Variants in CFAP91 observed in about 807,000 individuals in gnomAD.
The protein encoded by CFAP91 is cilia and flagella associated protein 91, also known as cilia- and flagella-associated protein 91.
In CFAP91, 85 loss-of-function variants were observed where a neutral mutation model predicts 95.9. That is an observed-to-expected ratio of 0.89 (90% CI 0.74 to 1.06). The LOEUF (loss-of-function observed/expected upper bound fraction) is 1.06. CFAP91 is among the 50% of genes least tolerant of loss of function. CFAP91 has a pLI of 0.00. For synonymous variants in CFAP91, 335 were observed against 327.5 expected (o/e 1.02, Z -0.25); for missense variants, 962 against 943.4 (o/e 1.02, Z -0.26).
intron 6 of CFAP91, 117 bp from the exon 7 acceptor site, chr3:119,726,054 G>A (rs1352109601): frequency 5.2e-6 from 4 of 776,468 alleles, no homozygotes; most frequent in African/African-American, 1.8e-5. Flanking sequence ...GTCATGTTAT[G>A]CTGTCATGGC....
chr3:119,742,273 A>T (rs548990716), intron 13 of CFAP91, among the ~76,000 whole-genome samples: 2 of 152,290 alleles, frequency 1.3e-5, no homozygotes, highest in South Asian at 2.1e-4. Flanking sequence ...TACACCCTGG[A>T]TATATGCAGG....
chr3:119,733,508 T>A lies in CFAP91; in HGVS notation c.1344+2T>A, dbSNP rs1178068159. On this transcript the variant is annotated splice_donor_variant, in intron 10 of 17. Transcript: ENST00000273390. LOFTEE classifies it high-confidence loss of function. ...TATGAGTTGGCAGAGGTTCATAAGGTATAATCATTATCTGGAGGACAAAAT... is the reference window on the plus strand; with the variant it reads ...TATGAGTTGGCAGAGGTTCATAAGGAATAATCATTATCTGGAGGACAAAAT... 6.2e-7 allele frequency: 1 copy of A among 1,607,838 alleles called. No individual in the cohort carries two copies. The highest frequency in any genetic ancestry group is 1.3e-5 in the African/African-American group (1 of 74,610).
intron 8 of CFAP91, among the ~76,000 whole-genome samples, chr3:119,730,601 AGTGTGTGT>A (rs60453079): frequency 0.18 from 24,315 of 137,020 alleles, 2,507 homozygotes; most frequent in East Asian, 0.46. Context: ...TTACTGAGAT[AGTGTGTGT>A]GTGTGTGTGT....
intron 7 of CFAP91, 108 bp downstream of exon 7, chr3:119,726,456 C>A: frequency 9.3e-7 from 1 of 1,079,068 alleles, no homozygotes; most frequent in Non-Finnish European, 1.3e-6. Context: ...AAGCAATCCT[C>A]AACCTATAGA....
chr3:119,713,106 T>G (rs2053505918), intron 5 of CFAP91: 1 of 149,206 alleles, frequency 6.7e-6, no homozygotes, highest in Admixed American at 6.7e-5. Context: ...TTTATTTATT[T>G]ATTTATTTAT....
intron 6 of CFAP91, chr3:119,715,992 T>C (rs933115199): frequency 5.1e-6 from 3 of 593,284 alleles, no homozygotes; most frequent in African/African-American, 3.7e-5. Flanking sequence ...TGCAGTTGCT[T>C]TGCTGACTAC....
intron 7 of CFAP91, among the ~76,000 whole-genome samples, chr3:119,729,258 A>T (rs1267229933): frequency 6.6e-6 from 1 of 152,152 alleles, no homozygotes; most frequent in East Asian, 1.9e-4. Context: ...AGAGGGTCAG[A>T]CTTCTGGGGG....
At chr3:119,730,044 A>G (rs2053864207) in intron 7 of CFAP91, among the ~76,000 whole-genome samples, 176 bp from the exon 8 acceptor site, 1 of 152,152 alleles carries the variant, frequency 6.6e-6, no homozygotes, top group Non-Finnish European at 1.5e-5. Flanking sequence ...GAGAGTCTCT[A>G]TTGAGTTGCC....
rs148324682 is a variant in CFAP91, at chr3:119,752,556, C to G, written c.*1+1458C>G. Among the ~76,000 whole-genome samples, 48 of 152,110 alleles carry G rather than the reference C, an allele frequency of 3.2e-4. 1 individual carries two copies. The East Asian group carries it at 7.5e-3, about 24-fold the overall frequency. The stretch of plus-strand genomic sequence containing the variant: ...GTCTATAAAATGTAAATTCAAGGAC[C>G]AAAGCATTTGGCTACCTTATTATTG... On this transcript the variant is annotated intron_variant, in intron 17 of 17. Transcript: ENST00000273390.
rs200247170 is a variant in CFAP91 at position 119,709,888 on chromosome 3, G to A, written c.493G>A (p.Val165Ile). The A allele has an allele frequency of 1.0e-4, 164 of 1,605,774 alleles. 1 individual carries two copies. Among genetic ancestry groups the A allele is most frequent in the Middle Eastern group, 1.7e-4 (1 of 6,042 alleles). ...QQMPFNVVYA[V>I]SKAEPYTFPP... is the part of the protein sequence containing the mutation. ...GATGCCATTCAATGTTGTTTATGCC[G>A]TATCCAAGTAAGTAACCATTATTTG... Residue 165 changes from valine (V) to isoleucine (I), a missense_variant, in exon 5 of 18, where the codon GTA (valine) becomes ATA (isoleucine). Transcript: ENST00000273390.
intron 5 of CFAP91, chr3:119,715,290 G>T (rs2053552492): frequency 3.7e-6 from 2 of 545,686 alleles, no homozygotes; most frequent in Non-Finnish European, 6.6e-6. Context: ...CTACAACCTT[G>T]CCCAGTGACA....
At chr3:119,756,064 A>G (rs2054421232) in intron 17 of CFAP91, among the ~76,000 whole-genome samples, 2 of 152,216 alleles carry the variant, frequency 1.3e-5, no homozygotes, top group Non-Finnish European at 2.9e-5. Context: ...CAAAAACGAT[A>G]AAAGACTTGT....
chr3:119,740,862 T>C, intron 13 of CFAP91, 167 bp downstream of exon 13: 1 of 754,076 alleles, frequency 1.3e-6, no homozygotes. Flanking sequence ...TGTGTGTGTG[T>C]GTGTGTGTGT....
chr3:119,730,208 A>G lies in CFAP91; in HGVS notation c.861-12A>G. On this transcript the variant is annotated splice_polypyrimidine_tract_variant and intron_variant, in intron 7 of 17. Transcript: ENST00000273390. ...GCCATATGCTTCTTTATGTTTTGTA[A>G]TTTACTTGAAGACTGCAGGAGATTC... 2 of 1,609,768 alleles carry G rather than the reference A, an allele frequency of 1.2e-6. No homozygotes were observed. The highest frequency in any genetic ancestry group is 8.5e-7 in the Non-Finnish European group (1 of 1,178,360).
chr3:119,707,891 C>T (rs1320408873), intron 3 of CFAP91, among the ~76,000 whole-genome samples: 1 of 151,950 alleles, frequency 6.6e-6, no homozygotes, highest in Non-Finnish European at 1.5e-5. Context: ...GGCCAAAGCA[C>T]CTTCAAGAAT....
At position 119,707,524 on chromosome 3, in the gene CFAP91, A is replaced by G; in HGVS notation, c.322A>G (p.Lys108Glu). The change falls in exon 3 of 18, where the codon AAG becomes GAG. Residue 108 changes from lysine to glutamate, a missense_variant. Physicochemically the swap from Lys to Glu is moderately conservative, Grantham distance 56 (BLOSUM62 1). Coordinates refer to ENST00000273390, the MANE Select transcript of CFAP91 (RefSeq NM_033364.4). ...PFISREWKGH[K>E]EKHREALRQL... Reference sequence around the variant, plus strand: ...TATCAGTCGGGAATGGAAGGGACATAAGGAGAAACACAGAGAAGCCCTCCG... The same window carrying G: ...TATCAGTCGGGAATGGAAGGGACATGAGGAGAAACACAGAGAAGCCCTCCG... The G allele has an allele frequency of 6.3e-7, 1 of 1,594,856 alleles. No homozygotes were observed. Among genetic ancestry groups the G allele is most frequent in the Non-Finnish European group, 8.6e-7 (1 of 1,166,764 alleles).
chr3:119,717,452 T>C (rs2053597778), intron 6 of CFAP91, among the ~76,000 whole-genome samples: 1 of 152,142 alleles, frequency 6.6e-6, no homozygotes, highest in Non-Finnish European at 1.5e-5. Flanking sequence ...ACTCCTACCA[T>C]TTGTGGGACC....
At chr3:119,737,553 G>A in intron 11 of CFAP91, 71 bp downstream of exon 11, 1 of 936,666 alleles carries the variant, frequency 1.1e-6, no homozygotes, top group Non-Finnish European at 1.6e-6. Flanking sequence ...GGATAGTTTA[G>A]CTTAAAGCAA....
rs2054256123 is a variant in CFAP91 at position 119,747,917 on chromosome 3, A to G, written c.2143+15A>G. ...CAAAGAAAAAGGTAAGCCAATGTAA[A>G]TGCTTTACTTTAGGATTTTTTAAAG... On this transcript the variant is annotated intron_variant, in intron 16 of 17. Coordinates refer to ENST00000273390, the MANE Select transcript of CFAP91 (RefSeq NM_033364.4). 1 of 1,574,768 alleles carries G rather than the reference A, an allele frequency of 6.4e-7. No individual in the cohort carries two copies.
Sources: gnomAD v4.1 joint callset for allele counts (sites outside exome capture counted in the v4.1 genomes callset) on GRCh38, gnomAD v4.1.1 for gene constraint, MANE v1.5 for transcripts, NCBI Gene and HGNC (gene_info 2026-07-23, HGNC 2026-07-21) for gene names.